PPP3CC: variants seen among roughly 807,000 people sequenced by gnomAD.
PPP3CC encodes the protein protein phosphatase 3 catalytic subunit gamma, also known as serine/threonine-protein phosphatase 2B catalytic subunit gamma isoform.
In PPP3CC, 35 loss-of-function variants were observed where a neutral mutation model predicts 60.3. The ratio of observed to expected loss-of-function variants is 0.58; its 90% CI spans 0.44 to 0.77. The LOEUF is 0.77. PPP3CC is among the 30% of genes least tolerant of loss of function. The pLI, the probability that PPP3CC is intolerant of heterozygous loss-of-function variation, is 0.00. For synonymous variants in PPP3CC, 206 were observed against 224.3 expected (o/e 0.92, Z 0.73); for missense variants, 570 against 628.9 (o/e 0.91, Z 1.00).
intron 8 of PPP3CC, among the ~76,000 whole-genome samples, chr8:22,525,930 C>T (rs999214938): frequency 6.7e-6 from 1 of 149,186 alleles, no homozygotes; most frequent in African/African-American, 2.5e-5. Context: ...TGCAGTGGTG[C>T]GGTCTTGGCT....
intron 1 of PPP3CC, among the ~76,000 whole-genome samples, chr8:22,471,131 A>G (rs1563702244): frequency 7.2e-5 from 11 of 152,174 alleles, no homozygotes; most frequent in Admixed American, 5.2e-4. Context: ...TATGGTTTCA[A>G]ATTTCTTAAA....
chr8:22,540,604 T>C lies in PPP3CC; in HGVS notation c.1352-11T>C. On this transcript the variant is annotated splice_polypyrimidine_tract_variant and intron_variant, in intron 13 of 13. Transcript: ENST00000240139. ...TTGAGCTCTCTCCACCTGCTTCCTG[T>C]TTTTCTGTAGCCATCAGAGGGTTCT... The C allele has an allele frequency of 6.2e-7, 1 of 1,608,258 alleles. No homozygotes were observed. The highest frequency in any genetic ancestry group is 8.5e-7 in the Non-Finnish European group (1 of 1,177,430).
At chr8:22,502,421 C>T (rs955641599) in intron 4 of PPP3CC, among the ~76,000 whole-genome samples, 1 of 152,150 alleles carries the variant, frequency 6.6e-6, no homozygotes, top group Non-Finnish European at 1.5e-5. Context: ...TGCAGTGGCT[C>T]ATGCTCATAA....
At chr8:22,458,225 A>T (rs542705747) in intron 1 of PPP3CC, among the ~76,000 whole-genome samples, 4 of 152,350 alleles carry the variant, frequency 2.6e-5, no homozygotes, top group African/African-American at 9.6e-5. Context: ...TTACTGCTCT[A>T]GTATTTTTTC....
chr8:22,488,666 T>C (rs1306168444), intron 3 of PPP3CC, among the ~76,000 whole-genome samples: 1 of 152,186 alleles, frequency 6.6e-6, no homozygotes, highest in Admixed American at 6.5e-5. Context: ...ATGTATTTGT[T>C]TACCATCCAT....
At chr8:22,488,833 C>T (rs547567692) in intron 3 of PPP3CC, among the ~76,000 whole-genome samples, 1 of 152,140 alleles carries the variant, frequency 6.6e-6, no homozygotes, top group Admixed American at 6.5e-5. Context: ...CAGGCAGAGG[C>T]ACAACCAGTG....
At chr8:22,442,544 A>G (rs1836703068) in intron 1 of PPP3CC, among the ~76,000 whole-genome samples, 1 of 152,210 alleles carries the variant, frequency 6.6e-6, no homozygotes, top group Non-Finnish European at 1.5e-5. Flanking sequence ...TCAGCCTCAT[A>G]AATGTTAATT....
chr8:22,525,434 TTTTCTCTCTC>T (rs1395116973), intron 8 of PPP3CC, among the ~76,000 whole-genome samples: 1 of 151,590 alleles, frequency 6.6e-6, no homozygotes, highest in Non-Finnish European at 1.5e-5. Context: ...CTCTCTTTTC[TTTTCTCTCTC>T]TTTCTCTCTC....
intron 3 of PPP3CC, chr8:22,492,859 A>T: frequency 3.8e-6 from 4 of 1,040,986 alleles, no homozygotes; most frequent in Non-Finnish European, 6.0e-6. Flanking sequence ...ATGCCAGCAA[A>T]CTCTTTCACC....
intron 2 of PPP3CC, 36 bp from the exon 3 acceptor site, chr8:22,475,464 A>G (rs779175822): frequency 1.0e-5 from 16 of 1,587,482 alleles, no homozygotes; most frequent in Non-Finnish European, 1.3e-5. Context: ...CTTCTAAGGT[A>G]TAATTTCTCA....
intron 1 of PPP3CC, among the ~76,000 whole-genome samples, chr8:22,455,480 T>G (rs1470548616): frequency 6.6e-6 from 1 of 152,216 alleles, no homozygotes; most frequent in Non-Finnish European, 1.5e-5. Context: ...TGTGTGTGCC[T>G]ACGTATGTTT....
At chr8:22,445,167 A>G (rs1836785997) in intron 1 of PPP3CC, among the ~76,000 whole-genome samples, 1 of 152,164 alleles carries the variant, frequency 6.6e-6, no homozygotes, top group African/African-American at 2.4e-5. Context: ...ATGGCAGGCT[A>G]CTGTTTCTTT....
At chr8:22,484,264 A>C (rs2132484323) in intron 3 of PPP3CC, among the ~76,000 whole-genome samples, 1 of 152,282 alleles carries the variant, frequency 6.6e-6, no homozygotes, top group Non-Finnish European at 1.5e-5. Flanking sequence ...TACTTAAACT[A>C]ATCAGAATAA....
intron 3 of PPP3CC, among the ~76,000 whole-genome samples, chr8:22,481,545 CT>C (rs869259358): frequency 0.028 from 3,814 of 136,172 alleles, 135 homozygotes; most frequent in African/African-American, 0.089. Flanking sequence ...GTTTTGTGTT[CT>C]TTTTTTTTTT....
intron 1 of PPP3CC, among the ~76,000 whole-genome samples, chr8:22,444,634 A>T (rs1388159306): frequency 6.6e-6 from 1 of 152,162 alleles, no homozygotes; most frequent in African/African-American, 2.4e-5. Context: ...TGTTTATTTT[A>T]TGTTTAAACC....
chr8:22,498,556 C>G (rs947551739), intron 4 of PPP3CC, among the ~76,000 whole-genome samples: 6 of 152,100 alleles, frequency 3.9e-5, no homozygotes, highest in African/African-American at 1.4e-4. Flanking sequence ...TGAAATAGTT[C>G]AGGTATACAT....
At chr8:22,462,754 A>T (rs1200084884) in intron 1 of PPP3CC, among the ~76,000 whole-genome samples, 1 of 151,988 alleles carries the variant, frequency 6.6e-6, no homozygotes, top group African/African-American at 2.4e-5. Flanking sequence ...TATTTTTAGT[A>T]GGGACGGGGT....
Position 22,461,283 on chromosome 8 carries a change from A to G in PPP3CC, c.50-13671A>G, listed in dbSNP as rs149708485. 3.7e-3 allele frequency among the ~76,000 whole-genome samples: 556 copies of G among 152,320 alleles called. 4 individuals are homozygous for G. The highest frequency in any genetic ancestry group is 0.012 in the African/African-American group (517 of 41,566). Reference sequence around the variant, plus strand: ...TACACAGTATAATAAAAGTTTGTTTACATTAGATATGAAGCTAATTACCAC... The same window carrying G: ...TACACAGTATAATAAAAGTTTGTTTGCATTAGATATGAAGCTAATTACCAC... On this transcript the variant is annotated intron_variant, in intron 1 of 13. Coordinates refer to ENST00000240139, the MANE Select transcript of PPP3CC (RefSeq NM_005605.5).
intron 1 of PPP3CC, among the ~76,000 whole-genome samples, chr8:22,474,568 G>A (rs1163537854): frequency 6.6e-6 from 1 of 152,054 alleles, no homozygotes; most frequent in Non-Finnish European, 1.5e-5. Context: ...GCCAGGTGTG[G>A]TGGCATGCTT....
Sources: allele counts gnomAD v4.1 joint callset (sites outside exome capture counted in the v4.1 genomes callset), GRCh38; gene constraint gnomAD v4.1.1; transcripts MANE v1.5; gene names NCBI Gene and HGNC (gene_info 2026-07-23, HGNC 2026-07-21).